The following GABRG3 variants were observed in gnomAD, a reference collection of about 807,000 sequenced individuals.
The protein encoded by GABRG3 is gamma-aminobutyric acid type A receptor subunit gamma3.
Under a neutral mutation model 48.8 loss-of-function variants are expected in GABRG3, and 25 were observed. That is an observed-to-expected ratio of 0.51 (90% confidence interval 0.37 to 0.72). The LOEUF (loss-of-function observed/expected upper bound fraction) is 0.72, where lower values mean the gene tolerates loss of function less well. Ranked by LOEUF, GABRG3 falls within the 30% of genes least tolerant of loss-of-function variation. The pLI is 0.00. For missense variants in GABRG3, 394 were observed against 577.9 expected, an observed-to-expected ratio of 0.68 and a Z score of 3.26; for synonymous variants, 227 against 217.6, an observed-to-expected ratio of 1.04 and a Z score of -0.38.
chr15:27,298,007 A>C (rs2140490833), intron 3 of GABRG3, among the ~76,000 whole-genome samples: 1 of 152,184 alleles, frequency 6.6e-6, no homozygotes, highest in East Asian at 1.9e-4. Context: ...ATAGATCCTC[A>C]AACGTTACAT....
chr15:27,358,795 C>G, intron 5 of GABRG3, among the ~76,000 whole-genome samples: 1 of 152,198 alleles, frequency 6.6e-6, no homozygotes, highest in Non-Finnish European at 1.5e-5. Context: ...AAAGCAAGGG[C>G]TTTTTGTTTT....
chr15:27,521,584 A>G (rs946402274), intron 7 of GABRG3, among the ~76,000 whole-genome samples: 5 of 152,134 alleles, frequency 3.3e-5, no homozygotes, highest in Admixed American at 1.3e-4. Flanking sequence ...GTAGGCATGG[A>G]CTTTAACAAC....
intron 3 of GABRG3, among the ~76,000 whole-genome samples, chr15:27,034,314 C>G (rs1896138372): frequency 6.6e-6 from 1 of 152,114 alleles, no homozygotes; most frequent in East Asian, 1.9e-4. Context: ...TCTTAATGCT[C>G]TCATTTTATG....
intron 5 of GABRG3, chr15:27,363,416 T>C (rs79815670): frequency 6.6e-6 from 1 of 151,920 alleles, no homozygotes; most frequent in Non-Finnish European, 1.5e-5. Flanking sequence ...AGGAAACTCA[T>C]CAAGATCAAC....
At chr15:27,355,145 T>G (rs77766657) in intron 5 of GABRG3, among the ~76,000 whole-genome samples, 1,526 of 152,298 alleles carry the variant, frequency 0.01, 30 homozygotes, top group African/African-American at 0.035. Context: ...CTTAGACTGT[T>G]CATGTCTCAA....
intron 3 of GABRG3, among the ~76,000 whole-genome samples, chr15:27,087,589 G>A (rs960784083): frequency 1.3e-5 from 2 of 152,236 alleles, no homozygotes; most frequent in African/African-American, 4.8e-5. Context: ...TGAGGTGTGT[G>A]CATGTCAGGG....
intron 3 of GABRG3, among the ~76,000 whole-genome samples, chr15:27,065,736 C>T (rs534008343): frequency 1.3e-5 from 2 of 152,342 alleles, no homozygotes; most frequent in African/African-American, 4.8e-5. Flanking sequence ...CTTGCCACCA[C>T]TGAACAACCA....
At chr15:27,047,840 C>A (rs1165749438) in intron 3 of GABRG3, among the ~76,000 whole-genome samples, 1 of 152,126 alleles carries the variant, frequency 6.6e-6, no homozygotes, top group Non-Finnish European at 1.5e-5. Context: ...TAGGAGACAA[C>A]CTTTAATTGT....
intron 2 of GABRG3, among the ~76,000 whole-genome samples, chr15:27,000,328 G>A (rs1038511520): frequency 3.9e-5 from 6 of 152,160 alleles, no homozygotes; most frequent in African/African-American, 1.4e-4. Flanking sequence ...TTTGAATCTT[G>A]TGGTTTAGGT....
chr15:27,491,637 T>C (rs1890357609), intron 6 of GABRG3, among the ~76,000 whole-genome samples: 1 of 152,262 alleles, frequency 6.6e-6, no homozygotes. Flanking sequence ...GTTCAGTTAG[T>C]ATTTTATGGT....
At chr15:27,404,539 G>T (rs780307601) in intron 5 of GABRG3, among the ~76,000 whole-genome samples, 1 of 152,160 alleles carries the variant, frequency 6.6e-6, no homozygotes, top group Admixed American at 6.5e-5. Flanking sequence ...CCTGGGGCCC[G>T]GCCTGGTCTG....
intron 3 of GABRG3, among the ~76,000 whole-genome samples, chr15:27,126,520 C>G (rs1476710505): frequency 6.6e-6 from 1 of 152,140 alleles, no homozygotes; most frequent in Non-Finnish European, 1.5e-5. Context: ...CACTGTGGTG[C>G]GCCATGGCCA....
At chr15:27,337,465 G>A (rs1894014092) in intron 5 of GABRG3, among the ~76,000 whole-genome samples, 1 of 152,102 alleles carries the variant, frequency 6.6e-6, no homozygotes. Flanking sequence ...TTTATGCTAA[G>A]TCGTAGACAC....
intron 5 of GABRG3, among the ~76,000 whole-genome samples, chr15:27,465,413 G>A (rs1320783506): frequency 6.6e-6 from 1 of 152,172 alleles, no homozygotes; most frequent in Non-Finnish European, 1.5e-5. Flanking sequence ...GAACACAATT[G>A]GAAAACCTTT....
chr15:27,122,600 A>T (rs1417163026), intron 3 of GABRG3, among the ~76,000 whole-genome samples: 1 of 152,172 alleles, frequency 6.6e-6, no homozygotes, highest in Non-Finnish European at 1.5e-5. Flanking sequence ...ATGCAACATG[A>T]TTTCAGGGAA....
intron 6 of GABRG3, among the ~76,000 whole-genome samples, chr15:27,485,672 A>G (rs1456123586): frequency 6.6e-6 from 1 of 152,178 alleles, no homozygotes; most frequent in East Asian, 1.9e-4. Flanking sequence ...TTTATTACAG[A>G]TTTTCATACA....
At chr15:27,155,355 TC>T (rs1430913899) in intron 3 of GABRG3, among the ~76,000 whole-genome samples, 1 of 152,300 alleles carries the variant, frequency 6.6e-6, no homozygotes, top group East Asian at 1.9e-4. Context: ...GCTGCTTTTA[TC>T]TTTTATTATT....
intron 3 of GABRG3, among the ~76,000 whole-genome samples, chr15:27,106,879 A>C (rs1897459146): frequency 6.6e-6 from 1 of 152,092 alleles, no homozygotes; most frequent in Non-Finnish European, 1.5e-5. Flanking sequence ...GGGTTCAATA[A>C]ACAATCTAGC....
intron 3 of GABRG3, among the ~76,000 whole-genome samples, chr15:27,296,682 G>C (rs1284327331): frequency 6.6e-6 from 1 of 152,110 alleles, no homozygotes; most frequent in Non-Finnish European, 1.5e-5. Context: ...CACGGTGTTG[G>C]TGGTGATGCT....
Sources: gnomAD v4.1 joint callset for allele counts (sites outside exome capture counted in the v4.1 genomes callset) on GRCh38, gnomAD v4.1.1 for gene constraint, MANE v1.5 for transcripts, NCBI Gene and HGNC (gene_info 2026-07-23, HGNC 2026-07-21) for gene names.